Variants in CDH13 observed in about 807,000 individuals in gnomAD.
CDH13 encodes cadherin-13.
A neutral mutation model predicts 63.8 loss-of-function variants in CDH13; 24 were observed. The ratio of observed to expected loss-of-function variants is 0.38; its 90% CI spans 0.27 to 0.53. The LOEUF is 0.53. Ranked by LOEUF, CDH13 falls within the 20% of genes least tolerant of loss-of-function variation. CDH13 has a pLI of 0.85. For missense variants in CDH13, 1,049 were observed against 903.1 expected (o/e 1.16, Z -2.07); for synonymous variants, 503 against 355.3 (o/e 1.42, Z -4.67).
At chr16:83,621,564 G>A (rs766105307) in intron 8 of CDH13, among the ~76,000 whole-genome samples, 12 of 121,618 alleles carry the variant, frequency 9.9e-5, no homozygotes, top group Admixed American at 2.3e-4. Context: ...TCGGCTCACC[G>A]CAAACTCCTC....
intron 5 of CDH13, among the ~76,000 whole-genome samples, chr16:83,244,311 C>A (rs141560132): frequency 9.2e-5 from 14 of 152,216 alleles, no homozygotes; most frequent in East Asian, 3.9e-4. Flanking sequence ...TAACAAACAT[C>A]TAGTGATGGT....
At chr16:83,448,666 A>AT (rs948116297) in intron 6 of CDH13, among the ~76,000 whole-genome samples, 3 of 152,164 alleles carry the variant, frequency 2.0e-5, no homozygotes, top group African/African-American at 7.2e-5. Context: ...GAATTGGTCA[A>AT]TTTTTCCAGG....
intron 1 of CDH13, among the ~76,000 whole-genome samples, chr16:82,831,303 A>C (rs1487378560): frequency 1.3e-5 from 2 of 152,118 alleles, no homozygotes; most frequent in African/African-American, 4.8e-5. Flanking sequence ...ATCCTTAGCT[A>C]GGTCGGTATC....
chr16:83,459,516 CTT>C (rs533711037), intron 6 of CDH13, among the ~76,000 whole-genome samples: 1 of 152,136 alleles, frequency 6.6e-6, no homozygotes, highest in South Asian at 2.1e-4. Flanking sequence ...AAACTAAAAA[CTT>C]TTTTATTTGC....
intron 6 of CDH13, among the ~76,000 whole-genome samples, chr16:83,446,575 A>T (rs564379167): frequency 2.0e-5 from 3 of 152,222 alleles, no homozygotes; most frequent in Non-Finnish European, 4.4e-5. Flanking sequence ...AAGAAAAACC[A>T]CACAGGGATT....
chr16:82,744,030 G>C (rs2034051360), intron 1 of CDH13, among the ~76,000 whole-genome samples: 1 of 152,168 alleles, frequency 6.6e-6, no homozygotes, highest in South Asian at 2.1e-4. Context: ...CATTTTTAAA[G>C]CACAAAGTTT....
intron 2 of CDH13, among the ~76,000 whole-genome samples, chr16:82,951,149 G>A (rs1184478313): frequency 6.6e-6 from 1 of 152,086 alleles, no homozygotes; most frequent in African/African-American, 2.4e-5. Context: ...AAGTTTGTGT[G>A]TGTGCTTGTG....
chr16:83,122,234 A>T (rs748592706), intron 3 of CDH13, among the ~76,000 whole-genome samples: 14 of 152,240 alleles, frequency 9.2e-5, no homozygotes, highest in Non-Finnish European at 1.5e-4. Flanking sequence ...ACACGCCTTT[A>T]ACACCGCTCT....
rs2039805163 is a variant in CDH13 at position 82,858,666 on chromosome 16, T to C, written c.157+193T>C. The stretch of plus-strand genomic sequence containing the variant: ...CAACTTAGAGGTTAATAGAGTGATA[T>C]GCATCTCTTTTTAGTATTTTATCAT... On this transcript the variant is annotated intron_variant, in intron 2 of 13. Transcript: ENST00000567109. The C allele has an allele frequency of 8.0e-6, 5 of 623,890 alleles. No individual in the cohort carries two copies. The East Asian group carries it at 1.1e-4, about 14-fold the overall frequency. The allele number at this position is 623,890 out of a possible 1,614,324, so 38.6% of individuals were successfully genotyped here.
chr16:83,190,760 T>A (rs2038672685), intron 4 of CDH13, among the ~76,000 whole-genome samples: 2 of 152,354 alleles, frequency 1.3e-5, no homozygotes, highest in South Asian at 4.1e-4. Flanking sequence ...TTAACCATTA[T>A]GAAGACAAAT....
At chr16:83,275,616 C>A (rs1167986572) in intron 5 of CDH13, among the ~76,000 whole-genome samples, 1 of 151,990 alleles carries the variant, frequency 6.6e-6, no homozygotes, top group Non-Finnish European at 1.5e-5. Context: ...CCATTTTCCT[C>A]CTGGCATTAG....
intron 5 of CDH13, among the ~76,000 whole-genome samples, chr16:83,270,607 G>C: frequency 6.6e-6 from 1 of 152,220 alleles, no homozygotes; most frequent in Middle Eastern, 3.4e-3. Flanking sequence ...GAATGGATGC[G>C]GATCCTGTAT....
intron 2 of CDH13, among the ~76,000 whole-genome samples, chr16:82,950,644 T>C (rs1905197690): frequency 6.6e-6 from 1 of 152,156 alleles, no homozygotes; most frequent in African/African-American, 2.4e-5. Flanking sequence ...CCATTAAACA[T>C]CTTTTTCTTT....
At chr16:83,553,399 T>A (rs1176406537) in intron 7 of CDH13, among the ~76,000 whole-genome samples, 3 of 152,204 alleles carry the variant, frequency 2.0e-5, no homozygotes, top group African/African-American at 7.2e-5. Context: ...TCTTAGTAAC[T>A]AGTGGGTGTT....
intron 9 of CDH13, among the ~76,000 whole-genome samples, chr16:83,675,696 G>T (rs1177515923): frequency 1.3e-5 from 2 of 152,192 alleles, no homozygotes; most frequent in Admixed American, 1.3e-4. Flanking sequence ...TTCAGGGGAG[G>T]CAGTGACTTG....
chr16:83,325,920 C>T (rs533859190), intron 5 of CDH13, among the ~76,000 whole-genome samples: 1 of 152,246 alleles, frequency 6.6e-6, no homozygotes, highest in African/African-American at 2.4e-5. Flanking sequence ...CACAATGTCC[C>T]TTCTTCTCAT....
At chr16:82,783,345 C>G (rs1383520892) in intron 1 of CDH13, among the ~76,000 whole-genome samples, 1 of 152,208 alleles carries the variant, frequency 6.6e-6, no homozygotes, top group Non-Finnish European at 1.5e-5. Flanking sequence ...GCCAACTGAT[C>G]AGGCTTTCTG....
intron 11 of CDH13, among the ~76,000 whole-genome samples, chr16:83,751,502 G>A (rs567630957): frequency 4.6e-5 from 7 of 152,116 alleles, no homozygotes; most frequent in South Asian, 4.1e-4. Context: ...AAATGGACGC[G>A]GTGATGGCAA....
intron 8 of CDH13, 62 bp from the exon 9 acceptor site, chr16:83,670,728 G>C: frequency 1.4e-6 from 2 of 1,439,512 alleles, no homozygotes; most frequent in Non-Finnish European, 2.0e-6. Context: ...CCAATGCAAA[G>C]CATGTAGTAA....
Sources: allele counts gnomAD v4.1 joint callset (sites outside exome capture counted in the v4.1 genomes callset), GRCh38; gene constraint gnomAD v4.1.1; transcripts MANE v1.5; gene names NCBI Gene and HGNC (gene_info 2026-07-23, HGNC 2026-07-21).